Variants in MDN1 observed in about 807,000 individuals in gnomAD.
MDN1 encodes the protein midasin.
MDN1 carries 266 observed loss-of-function variants against 669.2 expected under a neutral mutation model. The ratio of observed to expected loss-of-function variants is 0.40; its 90% confidence interval spans 0.36 to 0.44. MDN1 has a LOEUF of 0.44. Among genes scored for constraint, MDN1 ranks in the 20% least tolerant of loss-of-function variants. The pLI is 1.00. For synonymous variants in MDN1, 2,385 were observed against 2,457.1 expected, an observed-to-expected ratio of 0.97 and a Z score of 0.87; for missense variants, 5,940 against 6,754.0, an observed-to-expected ratio of 0.88 and a Z score of 4.22.
At chr6:89,723,370 T>A (rs1343393994) in intron 39 of MDN1, 142 bp downstream of exon 39, 2 of 666,136 alleles carry the variant, frequency 3.0e-6, no homozygotes, top group Non-Finnish European at 4.9e-6. Flanking sequence ...CTACATAGTG[T>A]CCCTTCCACT....
At chr6:89,797,139 A>C (rs113214984) in intron 2 of MDN1, among the ~76,000 whole-genome samples, 16,892 of 152,134 alleles carry the variant, frequency 0.11, 1,041 homozygotes, top group South Asian at 0.16. Flanking sequence ...TGGGAGGCCA[A>C]GGGAGGTGGA....
rs368330057 is a variant in MDN1 at position 89,749,337 on chromosome 6, C to T, written c.3648G>A (p.Val1216=). 14 of 1,614,014 alleles carry T rather than the reference C, an allele frequency of 8.7e-6. No homozygotes were observed. Among genetic ancestry groups the T allele is most frequent in the Non-Finnish European group, 1.1e-5 (13 of 1,180,028 alleles). The change falls in exon 26 of 102, where the codon GTG becomes GTA. Residue 1216 remains valine (V), a synonymous_variant. Transcript: ENST00000369393. ...TAGGTAACTCATCAAAGTGCAATTCCACAAACCGATTCCTGAAGGCTCTAG... is the reference window on the plus strand; with the variant it reads ...TAGGTAACTCATCAAAGTGCAATTCTACAAACCGATTCCTGAAGGCTCTAG... The part of the protein sequence containing the change: ...VLSRAFRNRF[V]ELHFDELPSS...
Position 89,745,529 on chromosome 6 carries a change from T to C in MDN1, c.4002A>G (p.Gln1334=), listed in dbSNP as rs1263629629. ...EKHFKKKLCP[Q]SLFSKENVLK... is the part of the protein sequence containing the mutation. ...GAACATTTTCTTTGGAGAAAAGAGA[T>C]TGAGGACACAATTTTTTCTTGAAAT... The change falls in exon 28 of 102, where the codon CAA becomes CAG. Residue 1334 remains glutamine, a synonymous_variant. Coordinates refer to ENST00000369393, the MANE Select transcript of MDN1 (RefSeq NM_014611.3). 3 of 1,614,136 alleles carry C rather than the reference T, an allele frequency of 1.9e-6. No individual in the cohort carries two copies. The highest frequency in any genetic ancestry group is 1.3e-5 in the African/African-American group (1 of 75,054).
chr6:89,806,707 G>A (rs1417248878), intron 1 of MDN1, among the ~76,000 whole-genome samples: 1 of 151,830 alleles, frequency 6.6e-6, no homozygotes, highest in Non-Finnish European at 1.5e-5. Context: ...AACAGATAGA[G>A]TGAGACTCCA....
intron 11 of MDN1, among the ~76,000 whole-genome samples, chr6:89,779,043 A>G (rs1373494180): frequency 2.6e-5 from 4 of 151,988 alleles, no homozygotes; most frequent in Non-Finnish European, 5.9e-5. Flanking sequence ...CTTTATTTAA[A>G]TCTCCAGGTT....
chr6:89,657,208 T>G (rs145126308), intron 90 of MDN1, among the ~76,000 whole-genome samples: 74 of 152,326 alleles, frequency 4.9e-4, no homozygotes, highest in African/African-American at 1.8e-3. Flanking sequence ...ATCATCTATC[T>G]CATGGGGACA....
intron 2 of MDN1, among the ~76,000 whole-genome samples, chr6:89,799,965 G>T (rs1767523610): frequency 6.6e-6 from 1 of 152,030 alleles, no homozygotes; most frequent in South Asian, 2.1e-4. Flanking sequence ...CCTAAGGAGT[G>T]GGGGGCACTG....
intron 15 of MDN1, among the ~76,000 whole-genome samples, chr6:89,765,444 T>C (rs1817765026): frequency 1.3e-5 from 2 of 152,152 alleles, no homozygotes; most frequent in African/African-American, 2.4e-5. Context: ...ACAAAATATA[T>C]GTGTCATTTA....
intron 73 of MDN1, among the ~76,000 whole-genome samples, chr6:89,682,856 AG>A (rs2128306530): frequency 6.6e-6 from 1 of 150,978 alleles, no homozygotes; most frequent in Admixed American, 6.6e-5. Flanking sequence ...TTGACGTGGA[AG>A]GATCATTTGA....
rs1812494168 is a variant in MDN1 at position 89,693,205 on chromosome 6, G to A, written c.9882-57C>T. 5.5e-5 allele frequency: 70 copies of A among 1,271,480 alleles called. No individual in the cohort carries two copies. The South Asian group carries it at 9.5e-4, about 17-fold the overall frequency. 78.8% of individuals were successfully genotyped at this position (1,271,480 alleles called of 1,614,324 possible). A position where few individuals can be genotyped will look rare whatever the true frequency, so the allele number is the denominator to read the frequency against. ...TGTCAGAAGAAGAGCAGCAAATCTA[G>A]ATTGGATCCTCAGCTAGGAAAACCG... On this transcript the variant is annotated intron_variant, in intron 62 of 101. Coordinates refer to ENST00000369393, the MANE Select transcript of MDN1 (RefSeq NM_014611.3).
chr6:89,753,738 T>C, intron 21 of MDN1, 116 bp from the exon 22 acceptor site: 3 of 846,416 alleles, frequency 3.5e-6, no homozygotes, highest in Non-Finnish European at 3.9e-6. Flanking sequence ...CTTTTAAATA[T>C]AGTAAGGTGG....
intron 9 of MDN1, among the ~76,000 whole-genome samples, chr6:89,782,090 A>G (rs1308877865): frequency 2.0e-5 from 3 of 152,192 alleles, no homozygotes; most frequent in Non-Finnish European, 4.4e-5. Context: ...TCACTCAATC[A>G]TGATGATTTT....
chr6:89,659,921 CT>C (rs1469756390), intron 88 of MDN1, among the ~76,000 whole-genome samples: 3 of 152,134 alleles, frequency 2.0e-5, no homozygotes, highest in African/African-American at 7.2e-5. Context: ...GAGTCTCGCT[CT>C]TGTTGCCCAG....
intron 2 of MDN1, among the ~76,000 whole-genome samples, chr6:89,801,575 G>A (rs1002293742): frequency 2.6e-4 from 39 of 152,180 alleles, no homozygotes; most frequent in African/African-American, 8.9e-4. Flanking sequence ...CGCTTAACCT[G>A]GGAGGCAGAG....
Position 89,655,816 on chromosome 6 carries a change from A to G in MDN1, c.15438T>C (p.Asp5146=), listed in dbSNP as rs1809235587. The part of the protein sequence containing the change: ...QQPQAQVEDA[D]AFEHIKQGSD... ...TGCCTTGTTTAATGTGCTCGAATGC[A>G]TCTGCATCCTCCACCTGGGCCTGGG... is the stretch of plus-strand genomic sequence containing the variant. The change falls in exon 92 of 102, where the codon GAT becomes GAC. Residue 5146 remains aspartate (D), a synonymous_variant. Coordinates refer to ENST00000369393, the MANE Select transcript of MDN1 (RefSeq NM_014611.3). The G allele has an allele frequency of 6.2e-7, 1 of 1,613,920 alleles. No individual in the cohort carries two copies. Among genetic ancestry groups the G allele is most frequent in the Non-Finnish European group, 8.5e-7 (1 of 1,179,972 alleles).
intron 97 of MDN1, among the ~76,000 whole-genome samples, chr6:89,649,559 G>C (rs1271886243): frequency 6.6e-6 from 1 of 152,138 alleles, no homozygotes; most frequent in Non-Finnish European, 1.5e-5. Flanking sequence ...AGCACTGATA[G>C]AACAATAACT....
At chr6:89,682,710 A>AAAAACAAAC (rs1562082649) in intron 73 of MDN1, among the ~76,000 whole-genome samples, 1 of 147,932 alleles carries the variant, frequency 6.8e-6, no homozygotes, top group Non-Finnish European at 1.5e-5. Flanking sequence ...AAAAAAAAAA[A>AAAAACAAAC]AAAAAAAAAA....
At chr6:89,815,795 C>T (rs1229539025) in intron 1 of MDN1, among the ~76,000 whole-genome samples, 2 of 152,198 alleles carry the variant, frequency 1.3e-5, no homozygotes, top group African/African-American at 4.8e-5. Flanking sequence ...GAGTCATCCA[C>T]AGAGTCACTC....
rs532669890 is a variant in MDN1, at chr6:89,700,653, G to A, written c.8631C>T (p.Val2877=). ...AGTGCTAGAATATTTTACCTAGGCT[G>A]ACATCTTCCAAAATATTTGCTCTGA... ...LILRANILED[V]SLDELKNFVH... is the part of the protein sequence containing the mutation. The change falls in exon 56 of 102, where the codon GTC becomes GTT. Residue 2877 remains valine, a synonymous_variant. Coordinates refer to ENST00000369393, the MANE Select transcript of MDN1 (RefSeq NM_014611.3). 6 of 1,614,066 alleles carry A rather than the reference G, an allele frequency of 3.7e-6. No homozygotes were observed. The East Asian group carries it at 1.3e-4, about 36-fold the overall frequency.
Sources: allele counts gnomAD v4.1 joint callset (sites outside exome capture counted in the v4.1 genomes callset), GRCh38; gene constraint gnomAD v4.1.1; transcripts MANE v1.5; gene names NCBI Gene and HGNC (gene_info 2026-07-23, HGNC 2026-07-21).